Variants in RSPH14 observed in about 807,000 individuals in gnomAD.
RSPH14 encodes rhabdoid tumor deletion region gene 1.
Under a neutral mutation model 26.7 loss-of-function variants are expected in RSPH14, and 20 were observed. That is an observed-to-expected ratio of 0.75 (90% CI 0.53 to 1.09). The LOEUF is 1.09. Ranked by LOEUF, RSPH14 falls within the 50% of genes least tolerant of loss-of-function variation. The pLI, the probability that RSPH14 is intolerant of heterozygous loss-of-function variation, is 0.00. For missense variants in RSPH14, 449 were observed against 457.2 expected, an observed-to-expected ratio of 0.98 and a Z score of 0.16; for synonymous variants, 177 against 189.3, an observed-to-expected ratio of 0.93 and a Z score of 0.53.
chr22:23,136,751 C>A (rs528058370), intron 3 of RSPH14, among the ~76,000 whole-genome samples: 1 of 139,286 alleles, frequency 7.2e-6, no homozygotes, highest in Non-Finnish European at 1.6e-5. Context: ...ATCTGTCCCC[C>A]CTAACTGGGG....
intron 4 of RSPH14, among the ~76,000 whole-genome samples, chr22:23,106,920 C>T (rs1487776997): frequency 1.3e-5 from 2 of 152,328 alleles, no homozygotes; most frequent in African/African-American, 4.8e-5. Flanking sequence ...CGGGTCACCC[C>T]ACCCCCTCCA....
the RSPH14 span, chr22:23,153,193 A>C: frequency 3.1e-6 from 4 of 1,284,024 alleles, no homozygotes; most frequent in African/African-American, 5.9e-5. Context: ...CTGAGAAAGG[A>C]TTTGGGGAGC....
At chr22:23,164,377 A>C in the RSPH14 span, 1 of 152,054 alleles carries the variant, frequency 6.6e-6, no homozygotes, top group Non-Finnish European at 1.5e-5. Context: ...ATTCCCACAC[A>C]CCCTGACTGA....
In RSPH14 at chr22:23,065,534, C is replaced by CAAAAAAA. The variant is rs10562943; in HGVS notation, c.422-1408_422-1402dup. ...TTTTTTATTTAATATGCACAGATTGCAAAAAAAAAAAAAAAAAAAAAAAAA... is the reference window on the plus strand; with the variant it reads ...TTTTTTATTTAATATGCACAGATTGCAAAAAAAAAAAAAAAAAAAAAAAAAAAAAAAA... On this transcript the variant is annotated intron_variant, in intron 4 of 6. Transcript: ENST00000216036. 2.4e-4 allele frequency among the ~76,000 whole-genome samples: 11 copies of CAAAAAAA among 45,172 alleles called. 1 individual carries two copies. Among genetic ancestry groups the CAAAAAAA allele is most frequent in the Admixed American group, 5.3e-4 (2 of 3,748 alleles). 29.6% of individuals were successfully genotyped at this position (45,172 alleles called of 152,430 possible).
chr22:23,175,979 A>C, the RSPH14 span, among the ~76,000 whole-genome samples: 433 of 152,256 alleles, frequency 2.8e-3, 3 homozygotes, highest in African/African-American at 0.01. Context: ...CTTCCCCCCT[A>C]GTCCAGTAAC....
At chr22:23,144,311 G>A (rs548983955), upstream of RSPH14, among the ~76,000 whole-genome samples, 1 of 152,030 alleles carries the variant, frequency 6.6e-6, no homozygotes, top group Admixed American at 6.6e-5. Context: ...CACCATGTCC[G>A]TTCTCTTTCC....
chr22:23,083,341 G>C (rs1989776), intron 4 of RSPH14, among the ~76,000 whole-genome samples: 59,390 of 151,902 alleles, frequency 0.39, 13,854 homozygotes, highest in African/African-American at 0.67. Context: ...GCTCCAGGAG[G>C]AGGCCATGGG....
chr22:23,062,087 G>A, intron 5 of RSPH14, 142 bp from the exon 6 acceptor site: 31 of 1,032,508 alleles, frequency 3.0e-5, no homozygotes, highest in Non-Finnish European at 4.4e-5. Flanking sequence ...CCATGATCCA[G>A]GACTGGTCAT....
Position 23,138,831 on chromosome 22 carries a change from G to T in RSPH14, c.302+9C>A. On this transcript the variant is annotated intron_variant, in intron 3 of 6. Coordinates refer to ENST00000216036, the MANE Select transcript of RSPH14 (RefSeq NM_014433.3). ...AAGCGTCACACTGGTTTCCAGAACA[G>T]CATCCCACCTGCCCACGCTATGGCT... 1 of 1,549,730 alleles carries T rather than the reference G, an allele frequency of 6.5e-7. No homozygotes were observed.
In RSPH14 at chr22:23,071,439, G is replaced by C. The variant is rs1406910111; in HGVS notation, c.422-7306C>G. ...TTGGGGTGGAGGGACCCGCCTGGTA[G>C]AGAGGTCTGTCTTGCTTGGGGAGAC... On this transcript the variant is annotated intron_variant, in intron 4 of 6. Coordinates refer to ENST00000216036, the MANE Select transcript of RSPH14 (RefSeq NM_014433.3). The surrounding 1 kb of genome is among the most constrained non-coding windows in gnomAD (Gnocchi z 4.1). Among the ~76,000 whole-genome samples, 1 of 152,214 alleles carries C rather than the reference G, an allele frequency of 6.6e-6. No homozygotes were observed. Among genetic ancestry groups the C allele is most frequent in the Non-Finnish European group, 1.5e-5 (1 of 68,026 alleles).
chr22:23,097,981 G>A (rs2069176049), intron 4 of RSPH14, among the ~76,000 whole-genome samples: 1 of 152,266 alleles, frequency 6.6e-6, no homozygotes, highest in African/African-American at 2.4e-5. Context: ...CAGGAGGCAG[G>A]ATACCTGGGT....
chr22:23,140,836 T>C (rs1421607194), intron 1 of RSPH14, among the ~76,000 whole-genome samples: 1 of 152,190 alleles, frequency 6.6e-6, no homozygotes, highest in Non-Finnish European at 1.5e-5. Context: ...AGTATCCAAT[T>C]CAACTACCCC....
intron 6 of RSPH14, among the ~76,000 whole-genome samples, chr22:23,061,361 G>A (rs1569151287): frequency 6.6e-6 from 1 of 152,120 alleles, no homozygotes; most frequent in African/African-American, 2.4e-5. Flanking sequence ...TAGGGGGCTC[G>A]GGGGAGATAA....
At chr22:23,150,607 CTG>C in the RSPH14 span, among the ~76,000 whole-genome samples, 1 of 152,118 alleles carries the variant, frequency 6.6e-6, no homozygotes, top group Admixed American at 6.5e-5. Flanking sequence ...AGCCAGATGA[CTG>C]GGGTTTTCAT....
chr22:23,153,527 G>A, the RSPH14 span: 7 of 978,124 alleles, frequency 7.2e-6, no homozygotes, highest in Admixed American at 1.8e-4. Flanking sequence ...GTTCCCACCT[G>A]TAAAATGGGG....
At chr22:23,095,867 A>G (rs1243088869) in intron 4 of RSPH14, 1 of 1,613,786 alleles carries the variant, frequency 6.2e-7, no homozygotes, top group Admixed American at 1.7e-5. Context: ...GATCATCCAC[A>G]GCGGCGGCTT....
At chr22:23,174,918 G>A in the RSPH14 span, among the ~76,000 whole-genome samples, 1 of 151,182 alleles carries the variant, frequency 6.6e-6, no homozygotes, top group South Asian at 2.1e-4. Context: ...GGTGAGCTGA[G>A]ATCACGCCAT....
intron 4 of RSPH14, among the ~76,000 whole-genome samples, chr22:23,065,675 G>A (rs1174239448): frequency 1.3e-5 from 2 of 152,082 alleles, no homozygotes; most frequent in African/African-American, 2.4e-5. Context: ...CTGGCAGGGG[G>A]TTGTGGATGA....
At chr22:23,128,123 A>C (rs1052857252) in intron 4 of RSPH14, among the ~76,000 whole-genome samples, 16 of 152,348 alleles carry the variant, frequency 1.1e-4, no homozygotes, top group Non-Finnish European at 2.4e-4. Context: ...AGTCAGGACC[A>C]GTGGGATGGT....
Sources: allele counts gnomAD v4.1 joint callset (sites outside exome capture counted in the v4.1 genomes callset), GRCh38; gene constraint gnomAD v4.1.1; non-coding constraint Gnocchi (gnomAD v3.1); transcripts MANE v1.5; gene names NCBI Gene and HGNC (gene_info 2026-07-23, HGNC 2026-07-21).